The following SUMF1 variants were observed in gnomAD, a reference collection of about 807,000 sequenced individuals.
SUMF1 encodes sulfatase modifying factor 1, also known as formylglycine-generating enzyme.
In SUMF1, 48 loss-of-function variants were observed where a neutral mutation model predicts 47.6. That is an observed-to-expected ratio of 1.01 (90% CI 0.80 to 1.28). SUMF1 has a LOEUF of 1.28. Ranked by LOEUF, SUMF1 falls within the 50% of genes most tolerant of loss-of-function variation. The pLI, the probability that SUMF1 is intolerant of heterozygous loss-of-function variation, is 0.00. For missense variants in SUMF1, 571 were observed against 485.4 expected, an observed-to-expected ratio of 1.18 and a Z score of -1.66; for synonymous variants, 230 against 192.1, an observed-to-expected ratio of 1.20 and a Z score of -1.63.
chr3:4,374,263 T>G (rs1700257241), intron 8 of SUMF1, among the ~76,000 whole-genome samples: 1 of 152,172 alleles, frequency 6.6e-6, no homozygotes, highest in Admixed American at 6.5e-5. Context: ...GATCATATGA[T>G]CAGCTATGTA....
chr3:4,276,134 T>G (rs555471746), intron 8 of SUMF1, among the ~76,000 whole-genome samples: 2 of 152,154 alleles, frequency 1.3e-5, no homozygotes, highest in Middle Eastern at 3.4e-3. Flanking sequence ...TGTCCAGAAA[T>G]CCACCCCCAT....
At chr3:4,388,204 T>C (rs907222384) in intron 7 of SUMF1, among the ~76,000 whole-genome samples, 9 of 152,218 alleles carry the variant, frequency 5.9e-5, no homozygotes, top group African/African-American at 2.2e-4. Context: ...AGTCTACTTC[T>C]CCTTTCAATT....
chr3:4,465,524 T>C (rs923340182), intron 1 of SUMF1, among the ~76,000 whole-genome samples: 1 of 150,338 alleles, frequency 6.7e-6, no homozygotes, highest in Non-Finnish European at 1.5e-5. Flanking sequence ...TGATTATCAA[T>C]TACCAGGCAA....
At chr3:4,282,128 A>G (rs1188965782) in intron 8 of SUMF1, among the ~76,000 whole-genome samples, 1 of 152,184 alleles carries the variant, frequency 6.6e-6, no homozygotes, top group Non-Finnish European at 1.5e-5. Context: ...GTGTGGGTTG[A>G]AAAGACAGTT....
At chr3:4,068,887 G>A (rs1695447162) in intron 8 of SUMF1, 2 of 220,610 alleles carry the variant, frequency 9.1e-6, no homozygotes, top group African/African-American at 2.3e-5. Context: ...ACGAAAAATG[G>A]ACACTTAAAA....
In SUMF1 at chr3:4,099,773, C is replaced by A. The variant is rs562769786; in HGVS notation, c.1015-31028G>T. The stretch of plus-strand genomic sequence containing the variant: ...GCAGTAAAGTTGCAGGATACAAAAC[C>A]AACATGCAAAAATCAGCAGTGTTTC... On this transcript the variant is annotated intron_variant and NMD_transcript_variant, in intron 8 of 12. Transcript: ENST00000448413. Among the ~76,000 whole-genome samples, 9 of 151,690 alleles carry A rather than the reference C, an allele frequency of 5.9e-5. No homozygotes were observed. In the South Asian group the frequency reaches 1.7e-3, roughly 28 times the overall value.
chr3:4,037,557 A>AT (rs1211507305), intron 9 of SUMF1, among the ~76,000 whole-genome samples: 4 of 152,088 alleles, frequency 2.6e-5, no homozygotes, highest in East Asian at 1.9e-4. Flanking sequence ...CTCCTGTATC[A>AT]TTTTTTTGCG....
intron 8 of SUMF1, among the ~76,000 whole-genome samples, chr3:4,184,119 C>A (rs1695150684): frequency 6.8e-6 from 1 of 147,948 alleles, no homozygotes; most frequent in African/African-American, 2.5e-5. Context: ...TGGGTGATGC[C>A]ATGTGACCCT....
chr3:4,417,295 G>T, intron 5 of SUMF1, 53 bp from the exon 6 acceptor site: 1 of 1,495,892 alleles, frequency 6.7e-7, no homozygotes, highest in South Asian at 1.1e-5. Flanking sequence ...GGTTTTGGAT[G>T]AAAGTCAAGA....
intron 8 of SUMF1, among the ~76,000 whole-genome samples, chr3:4,223,456 G>A (rs1172927690): frequency 3.9e-5 from 6 of 152,068 alleles, no homozygotes; most frequent in Non-Finnish European, 7.4e-5. Context: ...ACAGTGCCTG[G>A]AGCATAGCAG....
chr3:4,371,310 A>G (rs955498720), intron 8 of SUMF1, among the ~76,000 whole-genome samples: 2 of 152,176 alleles, frequency 1.3e-5, no homozygotes, highest in African/African-American at 4.8e-5. Flanking sequence ...TAAGATGGCT[A>G]ATTACTGTGT....
intron 8 of SUMF1, among the ~76,000 whole-genome samples, chr3:4,333,173 C>A (rs1244672248): frequency 3.9e-5 from 6 of 152,248 alleles, no homozygotes; most frequent in Non-Finnish European, 8.8e-5. Context: ...AGCTGTCACA[C>A]TTGCCCTCTG....
intron 8 of SUMF1, among the ~76,000 whole-genome samples, chr3:4,090,259 A>T (rs1406434485): frequency 6.6e-6 from 1 of 152,132 alleles, no homozygotes; most frequent in East Asian, 1.9e-4. Context: ...ACCCAGGTCC[A>T]CTATCTGTGT....
At chr3:4,285,927 A>G (rs1250602158) in intron 8 of SUMF1, among the ~76,000 whole-genome samples, 5 of 152,170 alleles carry the variant, frequency 3.3e-5, no homozygotes, top group Non-Finnish European at 7.4e-5. Context: ...TCAAGCTAAT[A>G]GTCGGAGCAT....
At chr3:4,292,992 C>T (rs559309447) in intron 8 of SUMF1, among the ~76,000 whole-genome samples, 1 of 152,156 alleles carries the variant, frequency 6.6e-6, no homozygotes, top group Admixed American at 6.5e-5. Flanking sequence ...ATTTAATCTT[C>T]CAGAGCTCAA....
intron 8 of SUMF1, among the ~76,000 whole-genome samples, chr3:4,258,209 C>A (rs1305073376): frequency 6.7e-6 from 1 of 149,216 alleles, no homozygotes; most frequent in Non-Finnish European, 1.5e-5. Flanking sequence ...CGGGCAAGGA[C>A]TTCATGTCCA....
At chr3:4,177,384 C>T (rs1694989890) in intron 8 of SUMF1, among the ~76,000 whole-genome samples, 1 of 152,156 alleles carries the variant, frequency 6.6e-6, no homozygotes, top group Admixed American at 6.5e-5. Flanking sequence ...GATTAAGAAA[C>T]TCACTCAAAA....
At chr3:4,195,400 C>T (rs1047595529) in intron 8 of SUMF1, among the ~76,000 whole-genome samples, 1 of 152,048 alleles carries the variant, frequency 6.6e-6, no homozygotes, top group Non-Finnish European at 1.5e-5. Flanking sequence ...AACTTATTCA[C>T]AAACTGATGA....
chr3:4,288,887 G>A lies in SUMF1; in HGVS notation c.1014+87443C>T, dbSNP rs927421835. Among the ~76,000 whole-genome samples the A allele has an allele frequency of 4.0e-5, 6 of 151,892 alleles. No individual in the cohort carries two copies. The East Asian group carries it at 9.6e-4, about 24-fold the overall frequency. Reference sequence around the variant, plus strand: ...TCTGCCCCCAAAGGAAGATGGTTTCGGAACTTCACAACGTTCTCTTAAACT... The same window carrying A: ...TCTGCCCCCAAAGGAAGATGGTTTCAGAACTTCACAACGTTCTCTTAAACT... On this transcript the variant is annotated intron_variant and NMD_transcript_variant, in intron 8 of 12. Coordinates refer to the SUMF1 transcript ENST00000448413.
Sources: allele counts gnomAD v4.1 joint callset (sites outside exome capture counted in the v4.1 genomes callset), GRCh38; gene constraint gnomAD v4.1.1; transcripts MANE v1.5; gene names NCBI Gene and HGNC (gene_info 2026-07-23, HGNC 2026-07-21).